SGCD: variants seen among roughly 807,000 people sequenced by gnomAD.
SGCD encodes delta-sarcoglycan.
Under a neutral mutation model 36.6 loss-of-function variants are expected in SGCD, and 18 were observed. That is an observed-to-expected ratio of 0.49 (90% confidence interval 0.34 to 0.73). SGCD has a LOEUF of 0.73. SGCD is among the 30% of genes least tolerant of loss of function. The pLI, the probability that SGCD is intolerant of heterozygous loss-of-function variation, is 0.01. For synonymous variants in SGCD, 133 were observed against 130.6 expected, an observed-to-expected ratio of 1.02 and a Z score of -0.12; for missense variants, 387 against 346.7, an observed-to-expected ratio of 1.12 and a Z score of -0.92.
At chr5:156,717,834 A>G (rs1010526886) in intron 7 of SGCD, among the ~76,000 whole-genome samples, 3 of 151,420 alleles carry the variant, frequency 2.0e-5, no homozygotes, top group Non-Finnish European at 4.4e-5. Context: ...GGAACCCACA[A>G]TAGAGGCTCC....
chr5:156,323,503 A>G (rs1317877793), upstream of SGCD, among the ~76,000 whole-genome samples: 2 of 152,314 alleles, frequency 1.3e-5, no homozygotes, highest in South Asian at 2.1e-4. Context: ...TATTTATTCA[A>G]TGGGTAAAAA....
At chr5:155,803,015 T>C in the SGCD span, among the ~76,000 whole-genome samples, 1 of 152,180 alleles carries the variant, frequency 6.6e-6, no homozygotes, top group African/African-American at 2.4e-5. Flanking sequence ...CATGACAAAA[T>C]ATATGTTTTC....
chr5:156,199,672 T>C (rs1186267973), intron 3 of SGCD, among the ~76,000 whole-genome samples: 1 of 152,168 alleles, frequency 6.6e-6, no homozygotes, highest in Non-Finnish European at 1.5e-5. Flanking sequence ...TGGCATTAGA[T>C]TAGCAATAAT....
intron 6 of SGCD, among the ~76,000 whole-genome samples, chr5:156,625,716 A>G (rs941465112): frequency 1.3e-5 from 2 of 152,192 alleles, no homozygotes; most frequent in African/African-American, 4.8e-5. Flanking sequence ...GTGAGCACCT[A>G]TTATGTGCAA....
chr5:155,771,346 T>C, the SGCD span, among the ~76,000 whole-genome samples: 1 of 152,080 alleles, frequency 6.6e-6, no homozygotes, highest in Non-Finnish European at 1.5e-5. Flanking sequence ...ACTCCTGGGC[T>C]TAAATGGTCC....
At chr5:156,606,681 A>C (rs2113439345) in intron 6 of SGCD, among the ~76,000 whole-genome samples, 1 of 152,366 alleles carries the variant, frequency 6.6e-6, no homozygotes, top group South Asian at 2.1e-4. Context: ...ACCCATGAAC[A>C]TGAAATGTTC....
In SGCD at chr5:156,627,544, A is replaced by G. The variant is rs1020975760; in HGVS notation, c.503-19920A>G. ...GGTGCCATTTATCACTAACATTTGTATTTTGCTGTACAGGTTGAAAAGCTC... is the reference window on the plus strand; with the variant it reads ...GGTGCCATTTATCACTAACATTTGTGTTTTGCTGTACAGGTTGAAAAGCTC... On this transcript the variant is annotated intron_variant, in intron 6 of 8. Coordinates refer to ENST00000337851, the MANE Select transcript of SGCD (RefSeq NM_000337.6). Among the ~76,000 whole-genome samples the G allele has an allele frequency of 2.6e-5, 4 of 152,144 alleles. No homozygotes were observed. The East Asian group carries it at 7.7e-4, about 29-fold the overall frequency.
chr5:156,741,629 G>A (rs1181623419), intron 7 of SGCD, among the ~76,000 whole-genome samples: 2 of 152,156 alleles, frequency 1.3e-5, no homozygotes, highest in African/African-American at 2.4e-5. Context: ...CTTCAAACAC[G>A]AGCTGTGAAA....
chr5:156,312,962 G>A lies in SGCD; in HGVS notation c.-43-16572G>A, dbSNP rs78666378. ...ACTTTGAGCTTAATTTGTTTACAAAGCCCTTGACAGTACTTCTCTTTCAAT... is the reference window on the plus strand; with the variant it reads ...ACTTTGAGCTTAATTTGTTTACAAAACCCTTGACAGTACTTCTCTTTCAAT... On this transcript the variant is annotated intron_variant, in intron 3 of 9. Transcript: ENST00000517913. Among the ~76,000 whole-genome samples the A allele has an allele frequency of 2.4e-4, 37 of 152,124 alleles. No individual in the cohort carries two copies. The East Asian group carries it at 5.4e-3, about 22-fold the overall frequency.
At chr5:156,072,297 C>G (rs1760599813) in intron 1 of SGCD, among the ~76,000 whole-genome samples, 1 of 151,988 alleles carries the variant, frequency 6.6e-6, no homozygotes, top group South Asian at 2.1e-4. Flanking sequence ...TTTAGTGCTT[C>G]CTTCAGGAGC....
chr5:156,016,744 T>C (rs557241457), intron 1 of SGCD, among the ~76,000 whole-genome samples: 78 of 152,194 alleles, frequency 5.1e-4, no homozygotes, highest in Non-Finnish European at 8.8e-4. Context: ...TTCTTCTTTG[T>C]AGTTGCTGGG....
At chr5:155,832,395 C>G in the SGCD span, among the ~76,000 whole-genome samples, 2 of 152,162 alleles carry the variant, frequency 1.3e-5, no homozygotes, top group Non-Finnish European at 2.9e-5. Flanking sequence ...TTTGTGGTCT[C>G]TTAATACCTC....
At chr5:156,692,402 T>C (rs1355901166) in intron 7 of SGCD, among the ~76,000 whole-genome samples, 1 of 152,182 alleles carries the variant, frequency 6.6e-6, no homozygotes, top group Non-Finnish European at 1.5e-5. Flanking sequence ...AGCAGCATGA[T>C]GGAGTGGGGA....
intron 3 of SGCD, among the ~76,000 whole-genome samples, chr5:156,446,345 G>C (rs78531058): frequency 0.015 from 2,213 of 152,178 alleles, 44 homozygotes; most frequent in African/African-American, 0.049. Context: ...AGTTGCACTG[G>C]GGTAGGAGGT....
the SGCD span, among the ~76,000 whole-genome samples, chr5:155,741,672 T>TTTTTC: frequency 2.0e-5 from 3 of 149,128 alleles, no homozygotes; most frequent in East Asian, 2.0e-4. Flanking sequence ...TTTCTTTTTG[T>TTTTTC]TTTTCTTTTC....
chr5:156,209,013 C>T (rs1764364606), intron 3 of SGCD, among the ~76,000 whole-genome samples: 3 of 152,204 alleles, frequency 2.0e-5, no homozygotes, highest in Admixed American at 1.3e-4. Flanking sequence ...AGATACCCTC[C>T]TCTTGGGGCG....
intron 3 of SGCD, among the ~76,000 whole-genome samples, chr5:156,216,554 T>TGTC (rs1229974305): frequency 6.6e-6 from 1 of 152,202 alleles, no homozygotes; most frequent in Non-Finnish European, 1.5e-5. Flanking sequence ...CTCTCTCTTA[T>TGTC]GTCACTACCC....
intron 1 of SGCD, among the ~76,000 whole-genome samples, chr5:156,327,597 C>T (rs1167588437): frequency 2.6e-5 from 4 of 152,182 alleles, no homozygotes; most frequent in Non-Finnish European, 2.9e-5. Context: ...TCAGATGAAA[C>T]TGTCTGTGTG....
At chr5:156,417,469 G>A (rs1015492591) in intron 3 of SGCD, among the ~76,000 whole-genome samples, 8 of 152,080 alleles carry the variant, frequency 5.3e-5, no homozygotes, top group African/African-American at 9.7e-5. Flanking sequence ...CTTGAGTGTC[G>A]TCTTAGTCTG....
Sources: gnomAD v4.1 joint callset for allele counts (sites outside exome capture counted in the v4.1 genomes callset) on GRCh38, gnomAD v4.1.1 for gene constraint, MANE v1.5 for transcripts, NCBI Gene and HGNC (gene_info 2026-07-23, HGNC 2026-07-21) for gene names.